ARHGAP29: variants seen among roughly 807,000 people sequenced by gnomAD.
ARHGAP29 encodes the protein Rho GTPase activating protein 29.
In ARHGAP29, 43 loss-of-function variants were observed where a neutral mutation model predicts 122.6. The ratio of observed to expected loss-of-function variants is 0.35; its 90% CI spans 0.27 to 0.45. The LOEUF (loss-of-function observed/expected upper bound fraction) is 0.45, where lower values mean the gene tolerates loss of function less well. ARHGAP29 is among the 20% of genes least tolerant of loss of function. The pLI, the probability that ARHGAP29 is intolerant of heterozygous loss-of-function variation, is 1.00. For missense variants in ARHGAP29, 1,303 were observed against 1,477.2 expected (o/e 0.88, Z 1.93); for synonymous variants, 506 against 497.1 (o/e 1.02, Z -0.24).
the ARHGAP29 span, among the ~76,000 whole-genome samples, chr1:94,294,735 A>G: frequency 2.6e-5 from 4 of 152,346 alleles, no homozygotes; most frequent in Admixed American, 2.6e-4. Context: ...TGGCAAGATC[A>G]TTAAATGAGA....
intron 1 of ARHGAP29, among the ~76,000 whole-genome samples, chr1:94,244,129 G>T (rs967038655): frequency 2.6e-5 from 4 of 151,428 alleles, no homozygotes; most frequent in African/African-American, 9.7e-5. Flanking sequence ...GGAAAATACA[G>T]GAGACAAGAA....
intron 1 of ARHGAP29, among the ~76,000 whole-genome samples, chr1:94,264,558 C>A (rs932577702): frequency 5.3e-5 from 8 of 152,144 alleles, no homozygotes; most frequent in Non-Finnish European, 1.2e-4. Flanking sequence ...TTCTTTTGGG[C>A]TCTTGAGTTC....
rs961218623 is a variant in ARHGAP29, at chr1:94,170,032, G to A, written c.*3837C>T. On this transcript the variant is annotated 3_prime_UTR_variant, in exon 23 of 23. Transcript: ENST00000260526. Reference sequence around the variant, plus strand: ...GGATGCCAACCAAGGCAGAAGCCACGGACTCACCATTTGACAACCAAAATA... The same window carrying A: ...GGATGCCAACCAAGGCAGAAGCCACAGACTCACCATTTGACAACCAAAATA... 4.6e-5 allele frequency among the ~76,000 whole-genome samples: 7 copies of A among 152,260 alleles called. No individual in the cohort carries two copies. In the South Asian group the frequency reaches 1.5e-3, roughly 32 times the overall value.
intron 7 of ARHGAP29, among the ~76,000 whole-genome samples, chr1:94,204,842 A>T (rs147844934): frequency 0.013 from 1,905 of 152,254 alleles, 27 homozygotes; most frequent in Non-Finnish European, 0.017. Flanking sequence ...CAGAGACAGT[A>T]TTCTATTTGT....
chr1:94,253,644 G>A (rs1654206236), intron 1 of ARHGAP29, among the ~76,000 whole-genome samples: 2 of 149,794 alleles, frequency 1.3e-5, no homozygotes, highest in East Asian at 1.9e-4. Context: ...ACACACGCAC[G>A]CACGCACGCA....
At chr1:94,311,383 C>T in the ARHGAP29 span, among the ~76,000 whole-genome samples, 1 of 152,172 alleles carries the variant, frequency 6.6e-6, no homozygotes, top group African/African-American at 2.4e-5. Context: ...CTCTCTTTCT[C>T]TCTTGTCTCT....
Position 94,172,440 on chromosome 1 carries a change from T to C in ARHGAP29, c.*1429A>G, listed in dbSNP as rs1445822835. 1 of 152,056 alleles carries C rather than the reference T, an allele frequency of 6.6e-6. No individual in the cohort carries two copies. The highest frequency in any genetic ancestry group is 1.5e-5 in the Non-Finnish European group (1 of 68,012). The allele number at this position is 152,056 out of a possible 1,614,324, so 9.4% of individuals were successfully genotyped here. A position where few individuals can be genotyped will look rare whatever the true frequency, so the allele number is the denominator to read the frequency against. On this transcript the variant is annotated 3_prime_UTR_variant, in exon 23 of 23. Coordinates refer to ENST00000260526, the MANE Select transcript of ARHGAP29 (RefSeq NM_004815.4). ...GGTTATTGCTCCCTAGACCTTTACATCACATAGAACTATAAAACAGGTTTC... is the reference window on the plus strand; with the variant it reads ...GGTTATTGCTCCCTAGACCTTTACACCACATAGAACTATAAAACAGGTTTC...
chr1:94,238,935 T>C (rs1653463701), upstream of ARHGAP29, among the ~76,000 whole-genome samples: 1 of 152,100 alleles, frequency 6.6e-6, no homozygotes, highest in Admixed American at 6.5e-5. Flanking sequence ...ATACAACAAA[T>C]TTGGCTCCTC....
intron 2 of ARHGAP29, among the ~76,000 whole-genome samples, chr1:94,226,788 C>A (rs142546052): frequency 3.3e-5 from 5 of 151,836 alleles, no homozygotes; most frequent in African/African-American, 1.2e-4. Context: ...AAACAATAAT[C>A]TATTAACATT....
At chr1:94,295,463 C>T in the ARHGAP29 span, among the ~76,000 whole-genome samples, 1 of 151,868 alleles carries the variant, frequency 6.6e-6, no homozygotes, top group Non-Finnish European at 1.5e-5. Flanking sequence ...GAAGATTGTA[C>T]TCAGACATTG....
intron 1 of ARHGAP29, among the ~76,000 whole-genome samples, chr1:94,261,098 T>C (rs1308352975): frequency 6.6e-6 from 1 of 152,170 alleles, no homozygotes; most frequent in Non-Finnish European, 1.5e-5. Flanking sequence ...TTCCATCAGA[T>C]TGGACTTTTT....
In ARHGAP29 at chr1:94,205,628, G is replaced by A. The variant is rs780917762; in HGVS notation, c.559+7C>T. ...TTGTGAAAAGTTATAAACACCTTGA[G>A]CATTACCTTTTTCACTGGATGAGTC... is the stretch of plus-strand genomic sequence containing the variant. On this transcript the variant is annotated splice_region_variant and intron_variant, in intron 6 of 22. Transcript: ENST00000260526. 1.9e-6 allele frequency: 3 copies of A among 1,611,252 alleles called. No individual in the cohort carries two copies. Among genetic ancestry groups the A allele is most frequent in the Non-Finnish European group, 1.7e-6 (2 of 1,178,458 alleles).
chr1:94,213,924 C>CT (rs1651806312), intron 3 of ARHGAP29, among the ~76,000 whole-genome samples: 1 of 152,138 alleles, frequency 6.6e-6, no homozygotes, highest in Admixed American at 6.5e-5. Flanking sequence ...AATTAGATGT[C>CT]TTTTTTCTTC....
In ARHGAP29 at chr1:94,171,448, C is replaced by T. The variant is rs548588528; in HGVS notation, c.*2421G>A. ...AATACGCATCATCTTGGACAATACGCCTCCCACAAGGCTTCCTGGTGTTCT... is the reference window on the plus strand; with the variant it reads ...AATACGCATCATCTTGGACAATACGTCTCCCACAAGGCTTCCTGGTGTTCT... On this transcript the variant is annotated 3_prime_UTR_variant, in exon 23 of 23. Transcript: ENST00000260526. Among the ~76,000 whole-genome samples, 3 of 152,288 alleles carry T rather than the reference C, an allele frequency of 2.0e-5. No homozygotes were observed. Among genetic ancestry groups the T allele is most frequent in the Admixed American group, 6.5e-5 (1 of 15,298 alleles).
In ARHGAP29 at chr1:94,201,801, T is replaced by G; in HGVS notation, c.1200A>C (p.Arg400Ser). ...KVCVTNVEER[R>S]NDLENTKREI... ...CTCTTTTGGTATTTTCTAGATCATTTCTTCTTTCTTCAACATTTGTCACAC... is the reference window on the plus strand; with the variant it reads ...CTCTTTTGGTATTTTCTAGATCATTGCTTCTTTCTTCAACATTTGTCACAC... The change falls in exon 12 of 23, where the codon AGA becomes AGC. Residue 400 changes from arginine to serine, a missense_variant. Arg to Ser is a moderately radical substitution (Grantham distance 110). Around this residue, in one of 3 missense-constraint regions of ARHGAP29, gnomAD observed 592 missense variants for 648.2 expected, o/e 0.91. Coordinates refer to ENST00000260526, the MANE Select transcript of ARHGAP29 (RefSeq NM_004815.4). The G allele has an allele frequency of 1.1e-5, 18 of 1,613,804 alleles. No individual in the cohort carries two copies. Among genetic ancestry groups the G allele is most frequent in the Non-Finnish European group, 1.5e-5 (18 of 1,179,890 alleles).
At chr1:94,282,949 G>T in the ARHGAP29 span, among the ~76,000 whole-genome samples, 1 of 152,050 alleles carries the variant, frequency 6.6e-6, no homozygotes, top group East Asian at 1.9e-4. Context: ...AGTAAGGAAG[G>T]ATGTCTTTCC....
chr1:94,201,656 A>G (rs1650858508), intron 12 of ARHGAP29, 64 bp downstream of exon 12: 1 of 1,589,292 alleles, frequency 6.3e-7, no homozygotes, highest in Admixed American at 1.7e-5. Context: ...TACAGGTGTG[A>G]GCCACCATGC....
At chr1:94,281,343 C>T in the ARHGAP29 span, among the ~76,000 whole-genome samples, 5 of 152,284 alleles carry the variant, frequency 3.3e-5, no homozygotes, top group African/African-American at 1.2e-4. Context: ...CCAAACATGA[C>T]AGCATGATAG....
At chr1:94,184,381 C>T in intron 18 of ARHGAP29, 93 bp from the exon 19 acceptor site, 1 of 878,916 alleles carries the variant, frequency 1.1e-6, no homozygotes, top group Non-Finnish European at 1.7e-6. Flanking sequence ...TCAATCTTTT[C>T]ACTCTATTTC....
Sources: allele counts gnomAD v4.1 joint callset (sites outside exome capture counted in the v4.1 genomes callset), GRCh38; gene constraint gnomAD v4.1.1; regional missense constraint gnomAD v4.1.1; transcripts MANE v1.5; gene names NCBI Gene and HGNC (gene_info 2026-07-23, HGNC 2026-07-21).